BMPR1A: variants seen among roughly 807,000 people sequenced by gnomAD.
The protein encoded by BMPR1A is bone morphogenetic protein receptor type-1A.
Under a neutral mutation model 66.0 loss-of-function variants are expected in BMPR1A, and 7 were observed. That is an observed-to-expected ratio of 0.11 (90% CI 0.06 to 0.20). The LOEUF (loss-of-function observed/expected upper bound fraction) is 0.20, where lower values mean the gene tolerates loss of function less well. BMPR1A is among the 10% of genes least tolerant of loss of function. The pLI is 1.00. For missense variants in BMPR1A, 408 were observed against 669.1 expected (o/e 0.61, Z 4.31); for synonymous variants, 200 against 229.7 (o/e 0.87, Z 1.17).
intron 1 of BMPR1A, among the ~76,000 whole-genome samples, chr10:86,812,289 CTG>C (rs1398435108): frequency 2.0e-5 from 3 of 152,160 alleles, no homozygotes; most frequent in Non-Finnish European, 2.9e-5. Flanking sequence ...CCTCTTGAGA[CTG>C]TGTTATTTAG....
intron 1 of BMPR1A, among the ~76,000 whole-genome samples, chr10:86,772,578 G>T (rs1040303219): frequency 6.6e-5 from 10 of 152,262 alleles, no homozygotes; most frequent in African/African-American, 2.4e-4. Context: ...AGAAGAAAAA[G>T]AGAGTCAGTT....
At chr10:86,868,210 C>G (rs1444337229) in intron 2 of BMPR1A, among the ~76,000 whole-genome samples, 1 of 152,164 alleles carries the variant, frequency 6.6e-6, no homozygotes, top group Non-Finnish European at 1.5e-5. Context: ...GCGTGGACAC[C>G]AAGGCAGGCA....
chr10:86,861,187 G>A (rs954395992), intron 2 of BMPR1A, among the ~76,000 whole-genome samples: 1 of 152,016 alleles, frequency 6.6e-6, no homozygotes, highest in Non-Finnish European at 1.5e-5. Flanking sequence ...AACCTGAAAA[G>A]ATGTTGTAAC....
intron 2 of BMPR1A, among the ~76,000 whole-genome samples, chr10:86,856,971 G>A (rs769418310): frequency 1.9e-4 from 29 of 152,186 alleles, no homozygotes; most frequent in South Asian, 4.1e-4. Context: ...TACTGGGAGG[G>A]TTCCTAACAT....
chr10:86,808,524 A>G (rs1009359041), intron 1 of BMPR1A, among the ~76,000 whole-genome samples: 1 of 152,148 alleles, frequency 6.6e-6, no homozygotes, highest in East Asian at 1.9e-4. Context: ...ACGTCAATTC[A>G]CCGAAAGAGT....
In BMPR1A at chr10:86,830,095, C is replaced by T. The variant is rs78614941; in HGVS notation, c.-267-8770C>T. Among the ~76,000 whole-genome samples, 1,002 of 152,154 alleles carry T rather than the reference C, an allele frequency of 6.6e-3. 8 individuals are homozygous for T. Among genetic ancestry groups the T allele is most frequent in the African/African-American group, 0.023 (937 of 41,492 alleles). ...GAAGTGGGAATTTGTAGCCAAGGAGCTGGTTGAGGGCCAGTGGATGGAAAA... is the reference window on the plus strand; with the variant it reads ...GAAGTGGGAATTTGTAGCCAAGGAGTTGGTTGAGGGCCAGTGGATGGAAAA... On this transcript the variant is annotated intron_variant, in intron 1 of 12. Coordinates refer to ENST00000372037, the MANE Select transcript of BMPR1A (RefSeq NM_004329.3).
intron 2 of BMPR1A, among the ~76,000 whole-genome samples, chr10:86,867,367 G>C (rs903332355): frequency 6.6e-6 from 1 of 152,198 alleles, no homozygotes; most frequent in Non-Finnish European, 1.5e-5. Context: ...TAGTCAACTT[G>C]TACCCATTGT....
chr10:86,836,907 T>C (rs1842356539), intron 1 of BMPR1A, among the ~76,000 whole-genome samples: 1 of 152,124 alleles, frequency 6.6e-6, no homozygotes, highest in Non-Finnish European at 1.5e-5. Context: ...TACGCCAGCC[T>C]GGGTAATGGA....
In BMPR1A at chr10:86,921,683, T is replaced by C. The variant is rs774061725; in HGVS notation, c.1330T>C (p.Cys444Arg). The change falls in exon 11 of 13, where the codon TGT becomes CGT. Residue 444 changes from cysteine to arginine, a missense_variant. Physicochemically the swap from Cys to Arg is radical, Grantham distance 180 (BLOSUM62 -3). Around this residue, in one of 5 missense-constraint regions of BMPR1A, gnomAD observed 130 missense variants for 257.3 expected, o/e 0.51. Transcript: ENST00000372037. ...AATCATTTGGGAGATGGCTCGTCGTTGTATCACAGGAGGTGGGAGTTTGAG... is the reference window on the plus strand; with the variant it reads ...AATCATTTGGGAGATGGCTCGTCGTCGTATCACAGGAGGTGGGAGTTTGAG... ...GLIIWEMARR[C>R]ITGGIVEEYQ... 2 of 1,614,224 alleles carry C rather than the reference T, an allele frequency of 1.2e-6. No homozygotes were observed. The highest frequency in any genetic ancestry group is 1.7e-6 in the Non-Finnish European group (2 of 1,180,038).
rs1317095058 is a variant in BMPR1A, at chr10:86,925,078, CCCTAACTTGTGAAGACAA to C, written c.*1360_*1377del. The C allele has an allele frequency of 8.6e-6, 2 of 231,924 alleles. No homozygotes were observed. Among genetic ancestry groups the C allele is most frequent in the East Asian group, 1.2e-4 (2 of 16,314 alleles). 14.4% of individuals were successfully genotyped at this position (231,924 alleles called of 1,614,324 possible). On this transcript the variant is annotated 3_prime_UTR_variant, in exon 13 of 13. Transcript: ENST00000372037. Reference sequence around the variant, plus strand: ...GATTTTTGGTTTTTTGATTTCTATTCCCTAACTTGTGAAGACAATGAAAAATCAGGCAGAAATATTTAG... The same window carrying C: ...GATTTTTGGTTTTTTGATTTCTATTCTGAAAAATCAGGCAGAAATATTTAG...
chr10:86,890,311 GT>G lies in BMPR1A; in HGVS notation c.230+96del, dbSNP rs367837113. ...TTAAGAATTATTAAACTTGTCTGCG[GT>G]TTTTTTTTCATTCATATATAGTATC... On this transcript the variant is annotated intron_variant, in intron 4 of 12. Coordinates refer to ENST00000372037, the MANE Select transcript of BMPR1A (RefSeq NM_004329.3). 158 of 1,496,836 alleles carry G rather than the reference GT, an allele frequency of 1.1e-4. No homozygotes were observed. The East Asian group carries it at 1.6e-3, about 15-fold the overall frequency. The allele number at this position is 1,496,836 out of a possible 1,614,324, so 92.7% of individuals were successfully genotyped here. A position where few individuals can be genotyped will look rare whatever the true frequency, so the allele number is the denominator to read the frequency against.
At chr10:86,828,006 G>C (rs550197032) in intron 1 of BMPR1A, among the ~76,000 whole-genome samples, 1 of 152,274 alleles carries the variant, frequency 6.6e-6, no homozygotes, top group South Asian at 2.1e-4. Context: ...AAAAAAATTA[G>C]CCGAGCGTGG....
intron 7 of BMPR1A, among the ~76,000 whole-genome samples, chr10:86,908,772 C>T (rs997096385): frequency 5.3e-5 from 8 of 152,082 alleles, no homozygotes; most frequent in African/African-American, 9.7e-5. Context: ...GTTGCTAGAC[C>T]TTAAGGGTGC....
At chr10:86,833,396 T>TGAGA (rs1842300541) in intron 1 of BMPR1A, among the ~76,000 whole-genome samples, 1 of 152,200 alleles carries the variant, frequency 6.6e-6, no homozygotes, top group South Asian at 2.1e-4. Context: ...ACATGAAAGA[T>TGAGA]GAGAGCCTAC....
intron 8 of BMPR1A, among the ~76,000 whole-genome samples, chr10:86,913,277 C>G (rs370474863): frequency 1.1e-4 from 17 of 150,006 alleles, no homozygotes; most frequent in African/African-American, 3.9e-4. Context: ...GATGCACCAC[C>G]ACACCAGGCT....
chr10:86,788,339 C>T (rs1841547812), intron 1 of BMPR1A, among the ~76,000 whole-genome samples: 1 of 152,150 alleles, frequency 6.6e-6, no homozygotes, highest in African/African-American at 2.4e-5. Flanking sequence ...CTCTTTTCAT[C>T]AACTTCATGC....
rs55872033 is a variant in BMPR1A at position 86,868,778 on chromosome 10, G to GTTTTTTTT, written c.-152-7083_-152-7076dup. On this transcript the variant is annotated intron_variant, in intron 2 of 12. Coordinates refer to ENST00000372037, the MANE Select transcript of BMPR1A (RefSeq NM_004329.3). ...TCAACTGACTTCAGCCTTTTCCTGT[G>GTTTTTTTT]TTTTTTTTTTTTTAAGTTCCAATTG... 4.3e-5 allele frequency among the ~76,000 whole-genome samples: 6 copies of GTTTTTTTT among 141,064 alleles called. No homozygotes were observed. The East Asian group carries it at 7.9e-4, about 19-fold the overall frequency. The allele number at this position is 141,064 out of a possible 152,430, so 92.5% of individuals were successfully genotyped here. A position where few individuals can be genotyped will look rare whatever the true frequency, so the allele number is the denominator to read the frequency against.
rs576911525 is a variant in BMPR1A, at chr10:86,876,794, T to C, written c.67+709T>C. ...TCCCTGCCCCAACCAAAAAATTTCA[T>C]TTTATTGTTGTTAAAAGACTTTAGA... On this transcript the variant is annotated intron_variant, in intron 3 of 12. Coordinates refer to ENST00000372037, the MANE Select transcript of BMPR1A (RefSeq NM_004329.3). Among the ~76,000 whole-genome samples the C allele has an allele frequency of 1.4e-4, 21 of 152,288 alleles. No individual in the cohort carries two copies. In the East Asian group the frequency reaches 1.7e-3, roughly 13 times the overall value.
intron 11 of BMPR1A, among the ~76,000 whole-genome samples, chr10:86,922,384 G>A (rs967660916): frequency 2.0e-5 from 3 of 152,082 alleles, no homozygotes; most frequent in African/African-American, 4.8e-5. Flanking sequence ...GTATCTCTTC[G>A]GTTAGCTGAT....
Sources: allele counts gnomAD v4.1 joint callset (sites outside exome capture counted in the v4.1 genomes callset), GRCh38; gene constraint gnomAD v4.1.1; regional missense constraint gnomAD v4.1.1; transcripts MANE v1.5; gene names NCBI Gene and HGNC (gene_info 2026-07-23, HGNC 2026-07-21).